UTRN: variants seen among roughly 807,000 people sequenced by gnomAD.
The protein encoded by UTRN is utrophin, also known as dystrophin-related protein 1.
UTRN carries 283 observed loss-of-function variants against 463.9 expected under a neutral mutation model. That is an observed-to-expected ratio of 0.61 (90% confidence interval 0.55 to 0.67). The LOEUF is 0.67. Among genes scored for constraint, UTRN ranks in the 30% least tolerant of loss-of-function variants. UTRN has a pLI of 0.00. For synonymous variants in UTRN, 1,442 were observed against 1,431.5 expected, an observed-to-expected ratio of 1.01 and a Z score of -0.17; for missense variants, 3,922 against 4,084.3, an observed-to-expected ratio of 0.96 and a Z score of 1.08.
chr6:144,523,553 G>T (rs559917614), intron 41 of UTRN, among the ~76,000 whole-genome samples: 3 of 152,072 alleles, frequency 2.0e-5, no homozygotes, highest in South Asian at 2.1e-4. Flanking sequence ...CAGGCAGTCC[G>T]CCTTGCCTTG....
chr6:144,406,388 C>T (rs1783418928), intron 3 of UTRN, among the ~76,000 whole-genome samples: 1 of 124,152 alleles, frequency 8.1e-6, no homozygotes, highest in South Asian at 2.3e-4. Context: ...GAGACACAGT[C>T]TAGCTCTGTT....
At chr6:144,717,291 A>C (rs1162939742) in intron 53 of UTRN, among the ~76,000 whole-genome samples, 1 of 152,254 alleles carries the variant, frequency 6.6e-6, no homozygotes, top group Non-Finnish European at 1.5e-5. Flanking sequence ...AAAGAGGAAG[A>C]GGAGAACTGG....
rs1403876689 is a variant in UTRN at position 144,728,118 on chromosome 6, AG to A, written c.7810-2237del. Among the ~76,000 whole-genome samples, 16 of 142,558 alleles carry A rather than the reference AG, an allele frequency of 1.1e-4. 1 individual carries two copies. Among genetic ancestry groups the A allele is most frequent in the Admixed American group, 1.4e-4 (2 of 14,188 alleles). 93.5% of individuals were successfully genotyped at this position (142,558 alleles called of 152,430 possible). ...TCCATCTCAAAAAAAAAAAAAAAAA[AG>A]GAATGTTTACTGCTCCCATATTTAC... On this transcript the variant is annotated intron_variant, in intron 53 of 74. Transcript: ENST00000367545.
At chr6:144,576,992 A>C (rs1562596671) in intron 50 of UTRN, 107 bp from the exon 51 acceptor site, 4 of 1,043,806 alleles carry the variant, frequency 3.8e-6, no homozygotes, top group Non-Finnish European at 5.5e-6. Context: ...ACTTGAATAA[A>C]AGGTCCTTTG....
rs550311275 is a variant in UTRN at position 144,397,927 on chromosome 6, T to C, written c.80-5196T>C. ...TCTCCTTTGACAAGTGGAGTTGTTTTCCTTTCCCTTCTCACTTCCACCATT... is the reference window on the plus strand; with the variant it reads ...TCTCCTTTGACAAGTGGAGTTGTTTCCCTTTCCCTTCTCACTTCCACCATT... On this transcript the variant is annotated intron_variant, in intron 2 of 74. Transcript: ENST00000367545. The C allele has an allele frequency of 1.1e-4, 18 of 159,616 alleles. No individual in the cohort carries two copies. The South Asian group carries it at 3.0e-3, about 26-fold the overall frequency. 9.9% of individuals were successfully genotyped at this position (159,616 alleles called of 1,614,324 possible). A position where few individuals can be genotyped will look rare whatever the true frequency, so the allele number is the denominator to read the frequency against.
At position 144,851,012 on chromosome 6, in the gene UTRN, C is replaced by A; in HGVS notation, c.*15C>A. The stretch of plus-strand genomic sequence containing the variant: ...AGGCAATGTGAAGTATTCATCCGGC[C>A]AACCAATGTTTCCTGACGTACAGTG... On this transcript the variant is annotated 3_prime_UTR_variant, in exon 75 of 75. Transcript: ENST00000367545. 1 of 1,613,642 alleles carries A rather than the reference C, an allele frequency of 6.2e-7. No individual in the cohort carries two copies. The highest frequency in any genetic ancestry group is 8.5e-7 in the Non-Finnish European group (1 of 1,179,618).
At position 144,487,800 on chromosome 6, in the gene UTRN, T is replaced by C. The variant is rs181195535; in HGVS notation, c.3972+103T>C. On this transcript the variant is annotated intron_variant, in intron 29 of 74. Coordinates refer to ENST00000367545, the MANE Select transcript of UTRN (RefSeq NM_007124.3). ...TTTAATGTTGGAAAAATCTTTAATG[T>C]TGGTTAAAGTTGGTAACCAATGCTA... 6,781 of 1,151,018 alleles carry C rather than the reference T, an allele frequency of 5.9e-3. 28 individuals are homozygous for C. The highest frequency in any genetic ancestry group is 7.5e-3 in the Non-Finnish European group (6,316 of 845,096). The allele number at this position is 1,151,018 out of a possible 1,614,324, so 71.3% of individuals were successfully genotyped here.
intron 51 of UTRN, among the ~76,000 whole-genome samples, chr6:144,662,733 A>C (rs1260631249): frequency 6.6e-6 from 1 of 152,220 alleles, no homozygotes; most frequent in Admixed American, 6.5e-5. Context: ...AGGCCTTCCA[A>C]TGGTGGCTAA....
At position 144,424,135 on chromosome 6, in the gene UTRN, T is replaced by C. The variant is rs563438427; in HGVS notation, c.405+57T>C. 469 of 1,579,492 alleles carry C rather than the reference T, an allele frequency of 3.0e-4. 6 individuals carry two copies. The South Asian group carries it at 5.0e-3, about 17-fold the overall frequency. ...GATGGAAAATGTGTTGTTTGTCTTTTAGTTTCTTAAGGCTGCCGTAACCAA... is the reference window on the plus strand; with the variant it reads ...GATGGAAAATGTGTTGTTTGTCTTTCAGTTTCTTAAGGCTGCCGTAACCAA... On this transcript the variant is annotated intron_variant, in intron 6 of 74. Transcript: ENST00000367545.
At chr6:144,309,555 T>C (rs2114553794) in intron 2 of UTRN, among the ~76,000 whole-genome samples, 1 of 152,346 alleles carries the variant, frequency 6.6e-6, no homozygotes, top group East Asian at 1.9e-4. Flanking sequence ...GCTGGTTCTA[T>C]TTTCCTAATA....
chr6:144,530,036 C>T (rs891384261), intron 41 of UTRN, among the ~76,000 whole-genome samples: 1 of 152,152 alleles, frequency 6.6e-6, no homozygotes, highest in African/African-American at 2.4e-5. Context: ...GCATAACGGG[C>T]TCTGCATGCA....
intron 73 of UTRN, among the ~76,000 whole-genome samples, chr6:144,843,300 T>C (rs1003035790): frequency 2.0e-5 from 3 of 151,974 alleles, no homozygotes; most frequent in Non-Finnish European, 4.4e-5. Flanking sequence ...ATAAAATATA[T>C]AATTTCCATA....
intron 69 of UTRN, among the ~76,000 whole-genome samples, chr6:144,829,709 T>TAAA (rs76736169): frequency 2.6e-4 from 36 of 135,896 alleles, no homozygotes; most frequent in African/African-American, 6.8e-4. Context: ...GTGTTTTCAC[T>TAAA]AAAAAAAAAA....
intron 51 of UTRN, 47 bp downstream of exon 51, chr6:144,577,335 C>T (rs766100359): frequency 1.3e-6 from 2 of 1,579,964 alleles, no homozygotes; most frequent in Admixed American, 1.7e-5. Flanking sequence ...GCCCTGTGTG[C>T]TTTTGATCCC....
At chr6:144,533,060 A>G (rs1456694121) in intron 42 of UTRN, 25 bp from the exon 43 acceptor site, 54 of 1,323,258 alleles carry the variant, frequency 4.1e-5, no homozygotes, top group Non-Finnish European at 5.2e-5. Context: ...TAGTGAAACT[A>G]ATCTTGAGTT....
intron 34 of UTRN, among the ~76,000 whole-genome samples, chr6:144,506,535 G>T (rs912461701): frequency 3.9e-5 from 6 of 152,154 alleles, no homozygotes; most frequent in Admixed American, 1.3e-4. Context: ...AGTTCAGCTG[G>T]ATATGAAATT....
chr6:144,707,149 C>T (rs1396952992), intron 53 of UTRN: 1 of 151,962 alleles, frequency 6.6e-6, no homozygotes, highest in Non-Finnish European at 1.5e-5. Context: ...AAATTTCTTC[C>T]TAATGAGAGA....
chr6:144,768,045 T>G (rs1002088122), intron 58 of UTRN, among the ~76,000 whole-genome samples: 1 of 152,182 alleles, frequency 6.6e-6, no homozygotes, highest in Non-Finnish European at 1.5e-5. Flanking sequence ...CAAATGGGTT[T>G]AAGAAGTATC....
At chr6:144,753,936 G>T (rs796445098) in intron 56 of UTRN, among the ~76,000 whole-genome samples, 1 of 151,978 alleles carries the variant, frequency 6.6e-6, no homozygotes. Context: ...TAATATGCCT[G>T]TACAAACTGA....
Sources: allele counts gnomAD v4.1 joint callset (sites outside exome capture counted in the v4.1 genomes callset), GRCh38; gene constraint gnomAD v4.1.1; transcripts MANE v1.5; gene names NCBI Gene and HGNC (gene_info 2026-07-23, HGNC 2026-07-21).